Variants in SIL1 observed in about 807,000 individuals in gnomAD.
The protein encoded by SIL1 is SIL1 nucleotide exchange factor, also known as nucleotide exchange factor SIL1.
SIL1 carries 40 observed loss-of-function variants against 49.1 expected under a neutral mutation model. That is an observed-to-expected ratio of 0.81 (90% CI 0.63 to 1.06). The LOEUF (loss-of-function observed/expected upper bound fraction) is 1.06, where lower values mean the gene tolerates loss of function less well. Among genes scored for constraint, SIL1 ranks in the 50% least tolerant of loss-of-function variants. SIL1 has a pLI of 0.00. For synonymous variants in SIL1, 253 were observed against 250.8 expected (o/e 1.01, Z -0.08); for missense variants, 500 against 572.6 (o/e 0.87, Z 1.29).
chr5:139,052,154 A>T (rs1355470355), intron 3 of SIL1, among the ~76,000 whole-genome samples: 1 of 152,188 alleles, frequency 6.6e-6, no homozygotes, highest in African/African-American at 2.4e-5. Context: ...TAGAAGGATA[A>T]TGATATAGGC....
intron 7 of SIL1, among the ~76,000 whole-genome samples, chr5:138,963,644 A>G (rs1235499710): frequency 6.6e-6 from 1 of 152,258 alleles, no homozygotes; most frequent in African/African-American, 2.4e-5. Flanking sequence ...TTTTGCTCAG[A>G]TATTTAAGGT....
chr5:139,175,709 T>C (rs990735640), intron 1 of SIL1, among the ~76,000 whole-genome samples: 2 of 152,124 alleles, frequency 1.3e-5, no homozygotes, highest in Non-Finnish European at 2.9e-5. Context: ...ACGCCTGTAA[T>C]CCCAGCACTT....
chr5:139,194,353 CAG>C (rs1440199380), intron 1 of SIL1, among the ~76,000 whole-genome samples: 1 of 152,182 alleles, frequency 6.6e-6, no homozygotes, highest in African/African-American at 2.4e-5. Context: ...TGCTAGGAAT[CAG>C]GGGTTACCCA....
chr5:139,016,609 C>A (rs558653770), intron 7 of SIL1, among the ~76,000 whole-genome samples: 1 of 152,180 alleles, frequency 6.6e-6, no homozygotes, highest in South Asian at 2.1e-4. Flanking sequence ...TAATTACAAT[C>A]ATCCCCAAAC....
chr5:138,976,783 T>A (rs1296996461), intron 7 of SIL1, among the ~76,000 whole-genome samples: 3 of 152,200 alleles, frequency 2.0e-5, no homozygotes, highest in African/African-American at 7.2e-5. Context: ...CTTTAACGTT[T>A]GAAAAGCTTA....
intron 7 of SIL1, among the ~76,000 whole-genome samples, chr5:138,979,765 G>A (rs755068464): frequency 1.3e-5 from 2 of 152,228 alleles, no homozygotes; most frequent in Non-Finnish European, 2.9e-5. Context: ...GGAGGCAGGG[G>A]TGAACACAGT....
intron 3 of SIL1, among the ~76,000 whole-genome samples, chr5:139,087,093 C>A (rs1435039545): frequency 6.6e-6 from 1 of 152,064 alleles, no homozygotes; most frequent in Non-Finnish European, 1.5e-5. Context: ...ACAGCCTCCA[C>A]AAATAGTAGG....
Position 139,170,487 on chromosome 5 carries a change from G to T in SIL1, c.-11+27782C>A, listed in dbSNP as rs576912599. ...GAGCGTCTCTGCCCGGCCGCCCATCGTCTGAGATGTGGGGAGCGCCTCTGC... is the reference window on the plus strand; with the variant it reads ...GAGCGTCTCTGCCCGGCCGCCCATCTTCTGAGATGTGGGGAGCGCCTCTGC... On this transcript the variant is annotated intron_variant, in intron 1 of 9. Transcript: ENST00000394817. Among the ~76,000 whole-genome samples the T allele has an allele frequency of 3.2e-4, 42 of 132,878 alleles. No individual in the cohort carries two copies. The Middle Eastern group carries it at 0.012, about 38-fold the overall frequency. 87.2% of individuals were successfully genotyped at this position (132,878 alleles called of 152,430 possible). A position where few individuals can be genotyped will look rare whatever the true frequency, so the allele number is the denominator to read the frequency against.
intron 3 of SIL1, among the ~76,000 whole-genome samples, chr5:139,077,956 C>T (rs1364984158): frequency 6.6e-6 from 1 of 152,108 alleles, no homozygotes; most frequent in African/African-American, 2.4e-5. Context: ...ACACTCCAGA[C>T]AAACTATAGC....
intron 3 of SIL1, among the ~76,000 whole-genome samples, chr5:139,102,088 C>T (rs1357034288): frequency 6.6e-6 from 1 of 152,282 alleles, no homozygotes; most frequent in Middle Eastern, 3.4e-3. Context: ...CAAGTATATT[C>T]ACTAATGAAT....
chr5:139,129,063 C>T lies in SIL1; in HGVS notation c.-10-1210G>A, dbSNP rs566498533. Among the ~76,000 whole-genome samples the T allele has an allele frequency of 3.3e-5, 5 of 152,170 alleles. No homozygotes were observed. The East Asian group carries it at 5.8e-4, about 18-fold the overall frequency. The stretch of plus-strand genomic sequence containing the variant: ...CTAGGAGGCTGAGGTGGGAGGATCG[C>T]GTAAGCCTGGGAGGCAAAGGTTGCG... On this transcript the variant is annotated intron_variant, in intron 1 of 9. Coordinates refer to ENST00000394817, the MANE Select transcript of SIL1 (RefSeq NM_022464.5).
chr5:139,034,441 A>C lies in SIL1; in HGVS notation c.454-7449T>G, dbSNP rs530306503. On this transcript the variant is annotated intron_variant, in intron 5 of 9. Coordinates refer to ENST00000394817, the MANE Select transcript of SIL1 (RefSeq NM_022464.5). ...TTTCTCACCTTCCTGTGACAAACCA[A>C]GGTACATTTTATATAATTCCTTTTT... 2.0e-5 allele frequency: 3 copies of C among 152,178 alleles called. No homozygotes were observed. In the South Asian group the frequency reaches 6.2e-4, roughly 32 times the overall value. The allele number at this position is 152,178 out of a possible 1,614,324, so 9.4% of individuals were successfully genotyped here.
At chr5:138,959,422 C>T (rs1766970870) in intron 7 of SIL1, among the ~76,000 whole-genome samples, 1 of 152,198 alleles carries the variant, frequency 6.6e-6, no homozygotes, top group African/African-American at 2.4e-5. Context: ...GTTTAAAACT[C>T]CTCCAATTGC....
At chr5:139,093,987 T>A (rs1770399045) in intron 3 of SIL1, 2 of 152,164 alleles carry the variant, frequency 1.3e-5, no homozygotes, top group African/African-American at 4.8e-5. Context: ...GGTTTAAACA[T>A]GAAATGGGGA....
At chr5:139,065,571 G>A (rs971707176) in intron 3 of SIL1, among the ~76,000 whole-genome samples, 1 of 152,178 alleles carries the variant, frequency 6.6e-6, no homozygotes, top group Non-Finnish European at 1.5e-5. Flanking sequence ...ACCCAAGCAT[G>A]GGCAAGGAGG....
At chr5:139,095,263 T>A (rs1300228109) in intron 3 of SIL1, among the ~76,000 whole-genome samples, 1 of 146,864 alleles carries the variant, frequency 6.8e-6, no homozygotes, top group African/African-American at 2.6e-5. Flanking sequence ...ATTATTGGAA[T>A]TCTTTTTTTT....
At chr5:139,058,065 A>G (rs1018851036) in intron 3 of SIL1, among the ~76,000 whole-genome samples, 28 of 152,258 alleles carry the variant, frequency 1.8e-4, no homozygotes, top group African/African-American at 6.5e-4. Flanking sequence ...TAGTATATCC[A>G]TATAATATTA....
chr5:139,117,074 C>T (rs1283200278), intron 3 of SIL1, among the ~76,000 whole-genome samples: 1 of 152,194 alleles, frequency 6.6e-6, no homozygotes, highest in Non-Finnish European at 1.5e-5. Context: ...AGAGAAAAGG[C>T]CCTGGCCTTG....
intron 1 of SIL1, among the ~76,000 whole-genome samples, chr5:139,145,629 C>CGTGTGTGT (rs57675583): frequency 2.1e-5 from 3 of 142,644 alleles, no homozygotes; most frequent in African/African-American, 5.2e-5. Context: ...GGTGTGGGGG[C>CGTGTGTGT]GTGTGTGTGT....
Sources: allele counts gnomAD v4.1 joint callset (sites outside exome capture counted in the v4.1 genomes callset), GRCh38; gene constraint gnomAD v4.1.1; transcripts MANE v1.5; gene names NCBI Gene and HGNC (gene_info 2026-07-23, HGNC 2026-07-21).